P2RY6: variants seen among roughly 807,000 people sequenced by gnomAD.
P2RY6 encodes the protein pyrimidinergic receptor P2Y6, also known as P2Y purinoceptor 6.
P2RY6 carries 19 observed loss-of-function variants against 16.3 expected under a neutral mutation model. That is an observed-to-expected ratio of 1.16 (90% confidence interval 0.81 to 1.71). P2RY6 has a LOEUF of 1.71. Ranked by LOEUF, P2RY6 falls within the 40% of genes most tolerant of loss-of-function variation. The pLI is 0.00. For missense variants in P2RY6, 389 were observed against 455.5 expected (o/e 0.85, Z 1.33); for synonymous variants, 184 against 201.5 (o/e 0.91, Z 0.74).
chr11:73,266,325 C>G (rs1469362162), intron 1 of P2RY6, among the ~76,000 whole-genome samples: 1 of 152,118 alleles, frequency 6.6e-6, no homozygotes, highest in African/African-American at 2.4e-5. Context: ...CAGCCATGGG[C>G]TTGGATGGAG....
intron 1 of P2RY6, among the ~76,000 whole-genome samples, chr11:73,279,005 C>G (rs1863651171): frequency 2.7e-5 from 4 of 149,766 alleles, no homozygotes; most frequent in Admixed American, 2.0e-4. Context: ...TTTCCAGTTT[C>G]TCCACATCAT....
chr11:73,285,641 G>T (rs1863940597), intron 1 of P2RY6, among the ~76,000 whole-genome samples: 1 of 152,212 alleles, frequency 6.6e-6, no homozygotes, highest in South Asian at 2.1e-4. Context: ...TAACTAAGCT[G>T]TTGGGGGCCT....
chr11:73,273,276 G>T (rs1315181998), intron 1 of P2RY6, among the ~76,000 whole-genome samples: 1 of 151,988 alleles, frequency 6.6e-6, no homozygotes, highest in Non-Finnish European at 1.5e-5. Context: ...AAGATATTTG[G>T]GACTCTCATC....
At chr11:73,284,169 G>A (rs1863873599) in intron 1 of P2RY6, among the ~76,000 whole-genome samples, 1 of 152,206 alleles carries the variant, frequency 6.6e-6, no homozygotes, top group Admixed American at 6.5e-5. Context: ...AAAGGTTGGG[G>A]ACCCAGCCAA....
chr11:73,284,487 T>G (rs2135724506), intron 1 of P2RY6, among the ~76,000 whole-genome samples: 1 of 152,234 alleles, frequency 6.6e-6, no homozygotes, highest in South Asian at 2.1e-4. Context: ...TGCCTAGCCC[T>G]GCCAGGCGAA....
chr11:73,297,381 C>T lies in P2RY6; in HGVS notation c.863C>T (p.Pro288Leu), dbSNP rs1170552649. Residue 288 changes from proline (P) to leucine (L), a missense_variant, in exon 3 of 3, where the codon CCG (proline) becomes CTG (leucine). By Grantham distance (98) the Pro-to-Leu change is moderately conservative. Coordinates refer to ENST00000540124, the MANE Select transcript of P2RY6 (RefSeq NM_001277204.2). Reference protein sequence around the residue: ...AFAAAYKGTRPFASANSVLDP... With the variant: ...AFAAAYKGTRLFASANSVLDP... ...GCAGCGGCCTACAAAGGCACGCGGC[C>T]GTTTGCCAGTGCCAACAGCGTGCTG... 8.7e-6 allele frequency: 14 copies of T among 1,612,270 alleles called. No individual in the cohort carries two copies. In the South Asian group the frequency reaches 1.2e-4, roughly 14 times the overall value.
intron 1 of P2RY6, among the ~76,000 whole-genome samples, chr11:73,276,478 G>C (rs1440189571): frequency 2.6e-5 from 4 of 152,124 alleles, no homozygotes; most frequent in Non-Finnish European, 5.9e-5. Context: ...GCCATCAGTG[G>C]ATGAACAGAT....
upstream of P2RY6, among the ~76,000 whole-genome samples, chr11:73,268,523 G>A (rs1202546285): frequency 6.6e-6 from 1 of 152,206 alleles, no homozygotes. Context: ...CTACTTGGGA[G>A]GCTGAGGAGG....
rs548590597 is a variant in P2RY6, at chr11:73,277,297, A to G, written c.-121+4831A>G. Among the ~76,000 whole-genome samples, 4 of 152,198 alleles carry G rather than the reference A, an allele frequency of 2.6e-5. No individual in the cohort carries two copies. In the South Asian group the frequency reaches 6.2e-4, roughly 24 times the overall value. ...CCTGGCTAATTTTTGTATTTTTGGT[A>G]GAGACAGAGTTTCACCATGTTGGCC... On this transcript the variant is annotated intron_variant, in intron 1 of 2. Coordinates refer to ENST00000540124, the MANE Select transcript of P2RY6 (RefSeq NM_001277204.2).
intron 2 of P2RY6, among the ~76,000 whole-genome samples, chr11:73,296,233 A>ATGT (rs1554992361): frequency 1.6e-5 from 2 of 124,514 alleles, no homozygotes; most frequent in Non-Finnish European, 3.2e-5. Flanking sequence ...GAAAAAAAAA[A>ATGT]ATATATATAT....
chr11:73,276,233 C>T (rs904113612), intron 1 of P2RY6, among the ~76,000 whole-genome samples: 3 of 152,076 alleles, frequency 2.0e-5, no homozygotes, highest in South Asian at 2.1e-4. Flanking sequence ...CAAGTGTTGC[C>T]GAGGATGTGA....
chr11:73,282,042 T>C (rs557653389), intron 1 of P2RY6, among the ~76,000 whole-genome samples: 9 of 152,298 alleles, frequency 5.9e-5, no homozygotes, highest in Admixed American at 2.6e-4. Context: ...TCTTGCCTGC[T>C]CTGGACCTCA....
intron 1 of P2RY6, among the ~76,000 whole-genome samples, chr11:73,280,516 C>G (rs1008014861): frequency 6.6e-6 from 1 of 152,214 alleles, no homozygotes; most frequent in Admixed American, 6.5e-5. Flanking sequence ...CACCTCCTCA[C>G]CAAGCCTTCT....
At chr11:73,267,559 C>T (rs1344678094), upstream of P2RY6, among the ~76,000 whole-genome samples, 3 of 152,146 alleles carry the variant, frequency 2.0e-5, no homozygotes, top group Non-Finnish European at 4.4e-5. Flanking sequence ...AAAGGCAAAC[C>T]TCATTCTCTC....
intron 1 of P2RY6, among the ~76,000 whole-genome samples, chr11:73,284,300 A>G (rs1161742855): frequency 2.0e-5 from 3 of 152,266 alleles, no homozygotes; most frequent in Non-Finnish European, 1.5e-5. Flanking sequence ...AGGGACACGA[A>G]TTGACTTGTT....
rs1864575331 is a variant in P2RY6 at position 73,297,786 on chromosome 11, C to G, written c.*281C>G. On this transcript the variant is annotated 3_prime_UTR_variant, in exon 3 of 3. Transcript: ENST00000540124. ...CCACATTAAGGTGCTCACAAAAATA[C>G]AGTGTGACGTGTACTGTCATCAAGG... 1 of 484,052 alleles carries G rather than the reference C, an allele frequency of 2.1e-6. No individual in the cohort carries two copies. The highest frequency in any genetic ancestry group is 1.9e-5 in the African/African-American group (1 of 51,424). 30.0% of individuals were successfully genotyped at this position (484,052 alleles called of 1,614,324 possible).
intron 1 of P2RY6, among the ~76,000 whole-genome samples, chr11:73,265,884 A>G (rs1046668319): frequency 6.6e-6 from 1 of 152,230 alleles, no homozygotes; most frequent in Non-Finnish European, 1.5e-5. Context: ...GCAAAACCTC[A>G]CTGTGTCTCA....
chr11:73,275,746 A>T (rs898699700), intron 1 of P2RY6, among the ~76,000 whole-genome samples: 1 of 152,334 alleles, frequency 6.6e-6, no homozygotes, highest in East Asian at 1.9e-4. Flanking sequence ...CAGGTTATAG[A>T]TTAAAAGCTA....
At chr11:73,281,855 G>C (rs1043383491) in intron 1 of P2RY6, among the ~76,000 whole-genome samples, 2 of 152,208 alleles carry the variant, frequency 1.3e-5, no homozygotes, top group Non-Finnish European at 2.9e-5. Flanking sequence ...TCCCCAGTCT[G>C]TCTGATGGAG....
Sources: allele counts gnomAD v4.1 joint callset (sites outside exome capture counted in the v4.1 genomes callset), GRCh38; gene constraint gnomAD v4.1.1; transcripts MANE v1.5; gene names NCBI Gene and HGNC (gene_info 2026-07-23, HGNC 2026-07-21).